Variants in B3GALT5 observed in about 807,000 individuals in gnomAD.
B3GALT5 encodes the protein UDP-Gal:betaGlcNAc beta 1,3-galactosyltransferase, polypeptide 5.
For missense variants in B3GALT5, 328 were observed against 396.6 expected, an observed-to-expected ratio of 0.83 and a Z score of 1.47; for synonymous variants, 156 against 158.6, an observed-to-expected ratio of 0.98 and a Z score of 0.12.
chr21:39,619,200 T>C (rs776499427), intron 1 of B3GALT5, among the ~76,000 whole-genome samples: 27 of 152,180 alleles, frequency 1.8e-4, no homozygotes, highest in Non-Finnish European at 3.2e-4. Context: ...TTCTGGAGGC[T>C]GGAAGTCTGA....
chr21:39,671,707 C>T lies in B3GALT5; in HGVS notation c.*10215C>T, dbSNP rs1320550230. On this transcript the variant is annotated 3_prime_UTR_variant, in exon 4 of 4. Coordinates refer to ENST00000684187, the MANE Select transcript of B3GALT5 (RefSeq NM_001356336.2). Reference sequence around the variant, plus strand: ...ATTTGAAGTAAACTCTTAACTATGTCTCTGGGATATGAAAGGTGCTTACAT... The same window carrying T: ...ATTTGAAGTAAACTCTTAACTATGTTTCTGGGATATGAAAGGTGCTTACAT... The T allele has an allele frequency of 6.6e-6, 1 of 152,168 alleles. No homozygotes were observed. Among genetic ancestry groups the T allele is most frequent in the Non-Finnish European group, 1.5e-5 (1 of 68,040 alleles). 9.4% of individuals were successfully genotyped at this position (152,168 alleles called of 1,614,324 possible).
chr21:39,651,315 G>A (rs1391281115), intron 2 of B3GALT5, among the ~76,000 whole-genome samples: 2 of 152,206 alleles, frequency 1.3e-5, no homozygotes, highest in African/African-American at 4.8e-5. Flanking sequence ...GAGGCTGGAA[G>A]TCTGAGACCA....
chr21:39,615,564 G>A (rs1036481054), intron 1 of B3GALT5, among the ~76,000 whole-genome samples: 3 of 152,164 alleles, frequency 2.0e-5, no homozygotes, highest in South Asian at 2.1e-4. Context: ...ATTCATTCAC[G>A]CATTGAATAA....
intron 1 of B3GALT5, among the ~76,000 whole-genome samples, chr21:39,639,602 C>A (rs1297145224): frequency 2.0e-5 from 3 of 151,450 alleles, no homozygotes; most frequent in Non-Finnish European, 4.4e-5. Context: ...GCCTCAGCCT[C>A]CTGAGTAGCT....
intron 1 of B3GALT5, among the ~76,000 whole-genome samples, chr21:39,623,220 TCCCTCCCTCCCTCCCTC>T (rs1569206626): frequency 8.1e-4 from 37 of 45,476 alleles, no homozygotes; most frequent in African/African-American, 1.9e-3. Flanking sequence ...CCTCCCTCCC[TCCCTCCCTCCCTCCCTC>T]CCTCCCTTCC....
intron 1 of B3GALT5, among the ~76,000 whole-genome samples, chr21:39,633,748 C>G (rs2079207296): frequency 6.6e-6 from 1 of 152,200 alleles, no homozygotes; most frequent in Admixed American, 6.5e-5. Context: ...AAGGTGACAG[C>G]TATTAACATT....
intron 2 of B3GALT5, chr21:39,657,677 C>A: frequency 2.6e-6 from 1 of 387,866 alleles, no homozygotes. Flanking sequence ...GTCTATCTAT[C>A]TATCTGTCTA....
intron 1 of B3GALT5, among the ~76,000 whole-genome samples, chr21:39,641,278 A>T (rs2146200706): frequency 6.6e-6 from 1 of 152,332 alleles, no homozygotes; most frequent in South Asian, 2.1e-4. Flanking sequence ...GACACTACAG[A>T]ACTGTGTTTA....
intron 2 of B3GALT5, among the ~76,000 whole-genome samples, chr21:39,648,245 A>T (rs182831952): frequency 1.1e-3 from 173 of 152,332 alleles, no homozygotes; most frequent in African/African-American, 3.8e-3. Context: ...TGGGTTATAA[A>T]AATATTGACT....
At chr21:39,638,003 C>T (rs1200554280) in intron 1 of B3GALT5, among the ~76,000 whole-genome samples, 1 of 152,152 alleles carries the variant, frequency 6.6e-6, no homozygotes, top group East Asian at 1.9e-4. Flanking sequence ...TTTGGGTCCA[C>T]TTGTCATAAT....
In B3GALT5 at chr21:39,662,507, C is replaced by T. The variant is rs1014409783; in HGVS notation, c.*1015C>T. ...AGTCAGGATGCTCTCAAGGACCCCT[C>T]GGGCTCAGAGCCCTAAAGTGGGCCC... is the stretch of plus-strand genomic sequence containing the variant. On this transcript the variant is annotated 3_prime_UTR_variant, in exon 4 of 4. Transcript: ENST00000684187. 8 of 167,128 alleles carry T rather than the reference C, an allele frequency of 4.8e-5. No individual in the cohort carries two copies. Among genetic ancestry groups the T allele is most frequent in the South Asian group, 4.1e-4 (2 of 4,820 alleles). The allele number at this position is 167,128 out of a possible 1,614,324, so 10.4% of individuals were successfully genotyped here.
chr21:39,618,649 T>C (rs2079119332), intron 1 of B3GALT5, among the ~76,000 whole-genome samples: 1 of 152,194 alleles, frequency 6.6e-6, no homozygotes, highest in Non-Finnish European at 1.5e-5. Flanking sequence ...AATGTCTTTT[T>C]CTTATAGATC....
In B3GALT5 at chr21:39,632,096, G is replaced by A. The variant is rs201613632; in HGVS notation, c.-391-14296G>A. ...TGGACTTGTGGTTTTGAGAAGTTCT[G>A]CCTGACAGCCTGGTGGCTGGCATGG... On this transcript the variant is annotated intron_variant, in intron 1 of 3. Coordinates refer to ENST00000684187, the MANE Select transcript of B3GALT5 (RefSeq NM_001356336.2). 2.3e-4 allele frequency among the ~76,000 whole-genome samples: 35 copies of A among 152,312 alleles called. No individual in the cohort carries two copies. The East Asian group carries it at 5.8e-3, about 25-fold the overall frequency.
Position 39,659,714 on chromosome 21 carries a change from C to T in B3GALT5, c.-160-39C>T, listed in dbSNP as rs149828955. ...ATTGTGAAGGCCTGCTGGTAAGGCA[C>T]GAGTGATTTGAATGACACTCTTTTT... On this transcript the variant is annotated intron_variant, in intron 2 of 3. Transcript: ENST00000684187. 155 of 978,348 alleles carry T rather than the reference C, an allele frequency of 1.6e-4. No homozygotes were observed. In the African/African-American group the frequency reaches 2.6e-3, roughly 16 times the overall value. 60.6% of individuals were successfully genotyped at this position (978,348 alleles called of 1,614,324 possible). A position where few individuals can be genotyped will look rare whatever the true frequency, so the allele number is the denominator to read the frequency against.
intron 1 of B3GALT5, among the ~76,000 whole-genome samples, chr21:39,620,262 TC>T (rs1317553296): frequency 2.6e-5 from 4 of 152,256 alleles, no homozygotes; most frequent in African/African-American, 9.6e-5. Context: ...CTGTAATAGT[TC>T]CTCAGTCTTC....
At chr21:39,632,298 T>C (rs2079197122) in intron 1 of B3GALT5, among the ~76,000 whole-genome samples, 1 of 152,254 alleles carries the variant, frequency 6.6e-6, no homozygotes, top group South Asian at 2.1e-4. Context: ...CAAATATTCC[T>C]GTGTTAACTA....
intron 1 of B3GALT5, among the ~76,000 whole-genome samples, chr21:39,614,097 A>T (rs568925596): frequency 2.6e-4 from 40 of 152,066 alleles, no homozygotes; most frequent in Non-Finnish European, 5.3e-4. Context: ...TATTTTACAG[A>T]TGTAGGAAGT....
intron 2 of B3GALT5, among the ~76,000 whole-genome samples, chr21:39,649,135 A>G (rs766191003): frequency 7.9e-4 from 121 of 152,298 alleles, no homozygotes; most frequent in Non-Finnish European, 1.5e-3. Context: ...TTTTCTCCCC[A>G]GTCACTTGAT....
At chr21:39,657,900 C>G (rs537425136) in intron 2 of B3GALT5, 7 of 1,231,656 alleles carry the variant, frequency 5.7e-6, no homozygotes, top group Non-Finnish European at 7.1e-6. Context: ...GGAGGTAGGG[C>G]TTCTGTAGCA....
Sources: gnomAD v4.1 joint callset for allele counts (sites outside exome capture counted in the v4.1 genomes callset) on GRCh38, gnomAD v4.1.1 for gene constraint, MANE v1.5 for transcripts, NCBI Gene and HGNC (gene_info 2026-07-23, HGNC 2026-07-21) for gene names.